IL2RA: variants seen among roughly 807,000 people sequenced by gnomAD.
The protein encoded by IL2RA is interleukin 2 receptor subunit alpha.
Under a neutral mutation model 37.8 loss-of-function variants are expected in IL2RA, and 24 were observed. The observed-to-expected ratio is 0.63, with a 90% CI of 0.46 to 0.89. The LOEUF (loss-of-function observed/expected upper bound fraction) is 0.89, where lower values mean the gene tolerates loss of function less well. Among genes scored for constraint, IL2RA ranks in the 40% least tolerant of loss-of-function variants. The pLI is 0.00. For missense variants in IL2RA, 319 were observed against 348.6 expected, an observed-to-expected ratio of 0.92 and a Z score of 0.68; for synonymous variants, 125 against 114.6, an observed-to-expected ratio of 1.09 and a Z score of -0.58.
chr10:6,053,342 AT>A (rs1448519496), intron 1 of IL2RA, among the ~76,000 whole-genome samples: 2 of 152,262 alleles, frequency 1.3e-5, no homozygotes, highest in Non-Finnish European at 1.5e-5. Flanking sequence ...TATTTTGAGA[AT>A]TAACCAAAGT....
intron 1 of IL2RA, among the ~76,000 whole-genome samples, chr10:6,030,926 ATAAGT>A (rs1247554884): frequency 6.6e-6 from 1 of 152,138 alleles, no homozygotes; most frequent in Admixed American, 6.5e-5. Flanking sequence ...GTAGATAGTG[ATAAGT>A]TAAGGATTCA....
In IL2RA at chr10:6,033,228, T is replaced by C. The variant is rs2132870588; in HGVS notation, c.65-7203A>G. On this transcript the variant is annotated intron_variant, in intron 1 of 7. Coordinates refer to ENST00000379959, the MANE Select transcript of IL2RA (RefSeq NM_000417.3). This position sits in a 1 kb window ranked among gnomAD's most constrained non-coding sequence, Gnocchi z 4.3. ...CCTTTCTCTACTAAGGAGGCAGAGGTTGCAGTGAGCTGAGATCACGCCACT... is the reference window on the plus strand; with the variant it reads ...CCTTTCTCTACTAAGGAGGCAGAGGCTGCAGTGAGCTGAGATCACGCCACT... Among the ~76,000 whole-genome samples the C allele has an allele frequency of 6.6e-6, 1 of 152,170 alleles. No individual in the cohort carries two copies. The highest frequency in any genetic ancestry group is 1.5e-5 in the Non-Finnish European group (1 of 67,994).
chr10:6,019,337 A>G, intron 6 of IL2RA, 91 bp downstream of exon 6: 1 of 957,908 alleles, frequency 1.0e-6, no homozygotes, highest in East Asian at 2.4e-5. Flanking sequence ...CCAACCTACC[A>G]GCCAACCAAC....
rs901868452 is a variant in IL2RA at position 6,058,646 on chromosome 10, CATT to C, written c.64+3439_64+3441del. On this transcript the variant is annotated intron_variant, in intron 1 of 7. Transcript: ENST00000379959. The surrounding 1 kb of genome is among the most constrained non-coding windows in gnomAD (Gnocchi z 4.2). ...ACAAGAATGGATAATTACACAAACACATTATCTCAATGGGTTTCCACACTGTTT... is the reference window on the plus strand; with the variant it reads ...ACAAGAATGGATAATTACACAAACACATCTCAATGGGTTTCCACACTGTTT... Among the ~76,000 whole-genome samples, 2 of 152,152 alleles carry C rather than the reference CATT, an allele frequency of 1.3e-5. No individual in the cohort carries two copies. Among genetic ancestry groups the C allele is most frequent in the African/African-American group, 4.8e-5 (2 of 41,420 alleles).
intron 1 of IL2RA, among the ~76,000 whole-genome samples, chr10:6,037,490 T>C (rs1839707085): frequency 6.6e-6 from 1 of 152,240 alleles, no homozygotes; most frequent in Non-Finnish European, 1.5e-5. Context: ...AACTTTAAGC[T>C]CTACTTGTAC....
intron 1 of IL2RA, 91 bp downstream of exon 1, chr10:6,061,997 A>G (rs762002226): frequency 6.9e-5 from 75 of 1,091,080 alleles, no homozygotes; most frequent in Middle Eastern, 6.0e-4. Flanking sequence ...TCTTGGAACC[A>G]TCTACCTGGG....
chr10:6,017,230 A>C (rs1393828979), intron 7 of IL2RA: 1 of 152,306 alleles, frequency 6.6e-6, no homozygotes, highest in African/African-American at 2.4e-5. Context: ...CAAAAAGACC[A>C]CACATGGTTT....
intron 1 of IL2RA, among the ~76,000 whole-genome samples, chr10:6,042,148 C>CCAAAAAAAAAAAA (rs1211181568): frequency 2.0e-4 from 11 of 54,138 alleles, no homozygotes; most frequent in South Asian, 8.5e-4. Flanking sequence ...ATGTATTAAG[C>CCAAAAAAAAAAAA]AAAAAAAAAA....
At position 6,028,321 on chromosome 10, in the gene IL2RA, G is replaced by A. The variant is rs1839516734; in HGVS notation, c.65-2296C>T. 6.6e-6 allele frequency among the ~76,000 whole-genome samples: 1 copy of A among 152,184 alleles called. No individual in the cohort carries two copies. Among genetic ancestry groups the A allele is most frequent in the African/African-American group, 2.4e-5 (1 of 41,452 alleles). On this transcript the variant is annotated intron_variant, in intron 1 of 7. Transcript: ENST00000379959. This position sits in a 1 kb window ranked among gnomAD's most constrained non-coding sequence, Gnocchi z 4.1. ...GAACCTGAACAGGGCAGAACTCAGT[G>A]AAACTTAGCCCTGATTGTCCATTGT... is the stretch of plus-strand genomic sequence containing the variant.
intron 1 of IL2RA, chr10:6,039,386 T>A (rs1222022339): frequency 6.6e-6 from 1 of 152,230 alleles, no homozygotes; most frequent in Non-Finnish European, 1.5e-5. Context: ...AAAACAAGGA[T>A]AAATTTAGAA....
chr10:6,038,304 G>A (rs1413960652), intron 1 of IL2RA, among the ~76,000 whole-genome samples: 1 of 152,220 alleles, frequency 6.6e-6, no homozygotes, highest in Non-Finnish European at 1.5e-5. Context: ...TGGGTGCTGG[G>A]AGGTGTTTGT....
chr10:6,012,615 T>C lies in IL2RA; in HGVS notation c.*257A>G. ...AAATAAGATGGAGAGTTCTAGTGGT[T>C]TTGCCCTTCCTCTTCAACGGCGAAA... On this transcript the variant is annotated 3_prime_UTR_variant, in exon 8 of 8. Coordinates refer to ENST00000379959, the MANE Select transcript of IL2RA (RefSeq NM_000417.3). This position sits in a 1 kb window ranked among gnomAD's most constrained non-coding sequence, Gnocchi z 4.8. The C allele has an allele frequency of 1.7e-6, 1 of 588,466 alleles. No homozygotes were observed. Among genetic ancestry groups the C allele is most frequent in the East Asian group, 2.9e-5 (1 of 35,006 alleles). 36.5% of individuals were successfully genotyped at this position (588,466 alleles called of 1,614,324 possible). A position where few individuals can be genotyped will look rare whatever the true frequency, so the allele number is the denominator to read the frequency against.
At chr10:6,051,952 T>C (rs889168062) in intron 1 of IL2RA, among the ~76,000 whole-genome samples, 3 of 150,328 alleles carry the variant, frequency 2.0e-5, no homozygotes, top group African/African-American at 7.4e-5. Context: ...ACTTTTAGGA[T>C]TGGAGAACGG....
At chr10:6,051,508 TATA>T (rs1167112824) in intron 1 of IL2RA, among the ~76,000 whole-genome samples, 25 of 113,214 alleles carry the variant, frequency 2.2e-4, no homozygotes, top group African/African-American at 7.6e-4. Flanking sequence ...TATATATATA[TATA>T]TATATATTTT....
At chr10:6,045,714 G>A (rs565170589) in intron 1 of IL2RA, among the ~76,000 whole-genome samples, 1 of 152,052 alleles carries the variant, frequency 6.6e-6, no homozygotes, top group African/African-American at 2.4e-5. Context: ...TGCTAAATTG[G>A]TGACTCCCAC....
At chr10:6,043,358 G>A (rs908182588) in intron 1 of IL2RA, among the ~76,000 whole-genome samples, 9 of 152,184 alleles carry the variant, frequency 5.9e-5, no homozygotes, top group Non-Finnish European at 8.8e-5. Flanking sequence ...AGCAATTACT[G>A]GAGGGGAAGA....
intron 1 of IL2RA, among the ~76,000 whole-genome samples, chr10:6,042,656 A>G (rs1839790288): frequency 6.6e-6 from 1 of 152,190 alleles, no homozygotes; most frequent in Non-Finnish European, 1.5e-5. Flanking sequence ...GTAATACATA[A>G]GGAAGACTTA....
chr10:6,057,577 G>A lies in IL2RA; in HGVS notation c.64+4511C>T, dbSNP rs755506929. On this transcript the variant is annotated intron_variant, in intron 1 of 7. Transcript: ENST00000379959. This position sits in a 1 kb window ranked among gnomAD's most constrained non-coding sequence, Gnocchi z 4.8. Reference sequence around the variant, plus strand: ...AGAGAGAAATCTGTCAAAAACTCACGCCCTCCCCGTGTCCTCTCCTCAGTG... The same window carrying A: ...AGAGAGAAATCTGTCAAAAACTCACACCCTCCCCGTGTCCTCTCCTCAGTG... Among the ~76,000 whole-genome samples the A allele has an allele frequency of 6.6e-5, 10 of 152,112 alleles. No individual in the cohort carries two copies. The highest frequency in any genetic ancestry group is 9.7e-5 in the African/African-American group (4 of 41,428).
In IL2RA at chr10:6,018,121, T is replaced by C; in HGVS notation, c.728-2A>G. 6.2e-7 allele frequency: 1 copy of C among 1,613,406 alleles called. No homozygotes were observed. Among genetic ancestry groups the C allele is most frequent in the South Asian group, 1.1e-5 (1 of 91,034 alleles). On this transcript the variant is annotated splice_acceptor_variant, in intron 6 of 7. Transcript: ENST00000379959. LOFTEE classifies it high-confidence loss of function. This position sits in a 1 kb window ranked among gnomAD's most constrained non-coding sequence, Gnocchi z 5.1. The stretch of plus-strand genomic sequence containing the variant: ...TCAGCAGGAAAACACAGCCGGCCAC[T>C]GTCAATAGAGAGAGGGAGTTCAGCA...
Sources: gnomAD v4.1 joint callset for allele counts (sites outside exome capture counted in the v4.1 genomes callset) on GRCh38, gnomAD v4.1.1 for gene constraint, Gnocchi (gnomAD v3.1) non-coding constraint, MANE v1.5 for transcripts, NCBI Gene and HGNC (gene_info 2026-07-23, HGNC 2026-07-21) for gene names.